BMPER: variants seen among roughly 807,000 people sequenced by gnomAD.
The protein encoded by BMPER is BMP binding endothelial regulator.
Under a neutral mutation model 87.3 loss-of-function variants are expected in BMPER, and 45 were observed. The observed-to-expected ratio is 0.52, with a 90% confidence interval of 0.41 to 0.66. The LOEUF is 0.66. Ranked by LOEUF, BMPER falls within the 30% of genes least tolerant of loss-of-function variation. The pLI is 0.00. For missense variants in BMPER, 784 were observed against 867.5 expected, an observed-to-expected ratio of 0.90 and a Z score of 1.21; for synonymous variants, 326 against 316.2, an observed-to-expected ratio of 1.03 and a Z score of -0.33.
intron 6 of BMPER, among the ~76,000 whole-genome samples, chr7:34,036,842 G>A (rs1355080736): frequency 1.3e-5 from 2 of 152,122 alleles, no homozygotes; most frequent in Admixed American, 6.6e-5. Context: ...GAAAGCCTGA[G>A]TTGGTGGAAG....
At chr7:34,044,016 A>G (rs1787895896) in intron 6 of BMPER, among the ~76,000 whole-genome samples, 1 of 152,222 alleles carries the variant, frequency 6.6e-6, no homozygotes, top group African/African-American at 2.4e-5. Context: ...CTGTGTTCCT[A>G]GGAAGGGCCT....
intron 14 of BMPER, among the ~76,000 whole-genome samples, chr7:34,148,176 C>G (rs911358337): frequency 6.6e-6 from 1 of 152,062 alleles, no homozygotes; most frequent in African/African-American, 2.4e-5. Context: ...TTGCCTGTAC[C>G]CCTACCTTTG....
intron 13 of BMPER, among the ~76,000 whole-genome samples, chr7:34,110,943 A>G (rs1403377421): frequency 6.6e-6 from 1 of 152,236 alleles, no homozygotes; most frequent in East Asian, 1.9e-4. Context: ...GTAGAAAGAT[A>G]AAGATGGCTT....
At chr7:33,934,338 C>T (rs1228094212) in intron 2 of BMPER, among the ~76,000 whole-genome samples, 1 of 152,062 alleles carries the variant, frequency 6.6e-6, no homozygotes. Flanking sequence ...TCTTGGAAGG[C>T]CTGGGATTCC....
chr7:34,051,069 C>A (rs144143313), intron 7 of BMPER, among the ~76,000 whole-genome samples: 1 of 152,148 alleles, frequency 6.6e-6, no homozygotes, highest in Admixed American at 6.5e-5. Flanking sequence ...GAACAAGGTG[C>A]TAGCAGATTT....
chr7:34,103,555 G>C (rs892287748), intron 13 of BMPER, among the ~76,000 whole-genome samples: 1 of 152,150 alleles, frequency 6.6e-6, no homozygotes, highest in Non-Finnish European at 1.5e-5. Flanking sequence ...GACTCCCCTA[G>C]CATCGTATGC....
At chr7:33,944,252 G>A (rs1052692524) in intron 3 of BMPER, among the ~76,000 whole-genome samples, 3 of 150,054 alleles carry the variant, frequency 2.0e-5, no homozygotes, top group East Asian at 2.0e-4. Context: ...TGCAACCTCC[G>A]CCTCCTGCAT....
chr7:33,941,652 G>A (rs1398695605), intron 3 of BMPER, among the ~76,000 whole-genome samples: 1 of 152,132 alleles, frequency 6.6e-6, no homozygotes, highest in Non-Finnish European at 1.5e-5. Context: ...TAGGGTTTGT[G>A]CTTCCATGAG....
At chr7:33,929,998 A>C (rs1389190568) in intron 2 of BMPER, among the ~76,000 whole-genome samples, 1 of 152,206 alleles carries the variant, frequency 6.6e-6, no homozygotes, top group African/African-American at 2.4e-5. Context: ...GGGTTGCAGA[A>C]AGGTCTGGAA....
intron 13 of BMPER, among the ~76,000 whole-genome samples, chr7:34,133,854 C>T (rs754897379): frequency 5.9e-5 from 9 of 151,922 alleles, no homozygotes; most frequent in African/African-American, 9.7e-5. Context: ...GTTGAGTCAG[C>T]GTGTGGAAGC....
intron 6 of BMPER, among the ~76,000 whole-genome samples, chr7:34,044,221 A>G (rs890488396): frequency 6.6e-5 from 10 of 152,342 alleles, no homozygotes; most frequent in African/African-American, 1.9e-4. Context: ...TCCTTATTGT[A>G]AGGAAAATTA....
At chr7:33,972,827 T>G (rs75325467) in intron 5 of BMPER, among the ~76,000 whole-genome samples, 2 of 152,348 alleles carry the variant, frequency 1.3e-5, no homozygotes, top group Non-Finnish European at 1.5e-5. Flanking sequence ...TTCCCTCGCC[T>G]TAATTCCAAA....
chr7:34,090,306 G>T (rs868417594), intron 13 of BMPER, among the ~76,000 whole-genome samples: 8 of 152,174 alleles, frequency 5.3e-5, no homozygotes, highest in Non-Finnish European at 1.2e-4. Context: ...ATTATATTTG[G>T]ATTCAAATGT....
intron 6 of BMPER, among the ~76,000 whole-genome samples, chr7:33,979,908 A>G (rs1785806149): frequency 6.6e-6 from 1 of 152,388 alleles, no homozygotes; most frequent in African/African-American, 2.4e-5. Context: ...ACCATCAGGA[A>G]GACACTCGTC....
At chr7:34,144,105 A>G (rs566110054) in intron 14 of BMPER, among the ~76,000 whole-genome samples, 2 of 152,302 alleles carry the variant, frequency 1.3e-5, no homozygotes, top group South Asian at 2.1e-4. Context: ...CTGAGATGGG[A>G]TGAAGAGGGA....
chr7:33,977,772 A>T (rs1295474399), intron 6 of BMPER, among the ~76,000 whole-genome samples: 2 of 152,214 alleles, frequency 1.3e-5, no homozygotes, highest in Non-Finnish European at 2.9e-5. Flanking sequence ...ATATAAAAAT[A>T]ATAAAAATAT....
At chr7:34,065,249 C>CTCTCTCTCTCA (rs1788555867) in intron 11 of BMPER, among the ~76,000 whole-genome samples, 2 of 58,528 alleles carry the variant, frequency 3.4e-5, no homozygotes, top group East Asian at 4.7e-4. Flanking sequence ...TCTCTCTCTC[C>CTCTCTCTCTCA]CTCTCTCTCT....
chr7:33,979,979 G>A (rs1785808022), intron 6 of BMPER, among the ~76,000 whole-genome samples: 1 of 152,210 alleles, frequency 6.6e-6, no homozygotes, highest in African/African-American at 2.4e-5. Context: ...GTACATCCTG[G>A]TTTCAGCTGG....
chr7:34,025,413 G>T (rs1021074862), intron 6 of BMPER, among the ~76,000 whole-genome samples: 3 of 151,992 alleles, frequency 2.0e-5, no homozygotes, highest in Non-Finnish European at 4.4e-5. Context: ...AATGGTGGGT[G>T]TCTGGGGCCT....
Sources: gnomAD v4.1 joint callset for allele counts (sites outside exome capture counted in the v4.1 genomes callset) on GRCh38, gnomAD v4.1.1 for gene constraint, MANE v1.5 for transcripts, NCBI Gene and HGNC (gene_info 2026-07-23, HGNC 2026-07-21) for gene names.